The following CHRM3 variants were observed in gnomAD, a reference collection of about 807,000 sequenced individuals.
CHRM3 encodes cholinergic receptor muscarinic 3.
Under a neutral mutation model 41.8 loss-of-function variants are expected in CHRM3, and 11 were observed. That is an observed-to-expected ratio of 0.26 (90% CI 0.17 to 0.44). The LOEUF (loss-of-function observed/expected upper bound fraction) is 0.44. Ranked by LOEUF, CHRM3 falls within the 20% of genes least tolerant of loss-of-function variation. CHRM3 has a pLI of 1.00. For missense variants in CHRM3, 571 were observed against 745.4 expected, an observed-to-expected ratio of 0.77 and a Z score of 2.72; for synonymous variants, 297 against 301.4, an observed-to-expected ratio of 0.99 and a Z score of 0.15.
chr1:239,480,090 T>C (rs1031260385), intron 1 of CHRM3, among the ~76,000 whole-genome samples: 1 of 152,222 alleles, frequency 6.6e-6, no homozygotes, highest in Non-Finnish European at 1.5e-5. Flanking sequence ...CATTCCAAGA[T>C]GGTATGTTAA....
At chr1:239,656,331 T>TAA (rs34207520) in intron 4 of CHRM3, among the ~76,000 whole-genome samples, 7 of 151,042 alleles carry the variant, frequency 4.6e-5, no homozygotes, top group East Asian at 3.9e-4. Flanking sequence ...TATTTTTTTT[T>TAA]AAAAAAAGGG....
intron 2 of CHRM3, among the ~76,000 whole-genome samples, chr1:239,517,633 T>G (rs1669360451): frequency 6.6e-6 from 1 of 152,184 alleles, no homozygotes; most frequent in Admixed American, 6.5e-5. Flanking sequence ...TTTCAGACAT[T>G]CTAGAAGAGT....
chr1:239,699,832 C>G (rs930286190), intron 5 of CHRM3, among the ~76,000 whole-genome samples: 7 of 152,026 alleles, frequency 4.6e-5, no homozygotes, highest in Non-Finnish European at 1.0e-4. Context: ...ATCTCTGAAA[C>G]CTAACAGCAT....
chr1:239,584,707 A>AT (rs997733557), intron 3 of CHRM3, among the ~76,000 whole-genome samples: 3 of 152,012 alleles, frequency 2.0e-5, no homozygotes, highest in African/African-American at 7.3e-5. Flanking sequence ...GATTCAAGGG[A>AT]TTTTCATTAG....
chr1:239,874,929 C>G (rs1676992771), intron 6 of CHRM3, among the ~76,000 whole-genome samples: 1 of 151,934 alleles, frequency 6.6e-6, no homozygotes, highest in African/African-American at 2.4e-5. Context: ...GAACTCTCAG[C>G]CTCAGGTGAT....
At chr1:239,634,339 GAA>G (rs1309232485) in intron 4 of CHRM3, among the ~76,000 whole-genome samples, 2 of 141,882 alleles carry the variant, frequency 1.4e-5, no homozygotes, top group Non-Finnish European at 3.1e-5. Context: ...GAGAGAGAGA[GAA>G]AGGAATAAAG....
chr1:239,576,592 A>ACGCG (rs1553331586), intron 3 of CHRM3, among the ~76,000 whole-genome samples: 6 of 81,158 alleles, frequency 7.4e-5, no homozygotes, highest in Admixed American at 3.1e-4. Context: ...ACACACACAC[A>ACGCG]CGCACACACA....
intron 5 of CHRM3, among the ~76,000 whole-genome samples, chr1:239,788,322 G>A (rs530365141): frequency 6.6e-6 from 1 of 152,134 alleles, no homozygotes; most frequent in Admixed American, 6.5e-5. Context: ...TTAATATTGA[G>A]AAAGCAGACA....
At chr1:239,820,529 A>C (rs1316326408) in intron 5 of CHRM3, among the ~76,000 whole-genome samples, 1 of 152,218 alleles carries the variant, frequency 6.6e-6, no homozygotes, top group Non-Finnish European at 1.5e-5. Context: ...GATTTTAGGC[A>C]AATACGGGAA....
intron 1 of CHRM3, among the ~76,000 whole-genome samples, chr1:239,462,203 T>A (rs1665410238): frequency 6.6e-6 from 1 of 152,198 alleles, no homozygotes; most frequent in Non-Finnish European, 1.5e-5. Flanking sequence ...TTACTAAATT[T>A]GAAAACTGAG....
Position 239,404,410 on chromosome 1 carries a change from A to AAAAG in CHRM3, c.-521+17239_-521+17242dup, listed in dbSNP as rs1170633500. ...AAAGAAAGAAAGAAAGAAAGAAAGA[A>AAAAG]AAAGAAAGAAAGAAAGAAAGAAAGA... is the stretch of plus-strand genomic sequence containing the variant. On this transcript the variant is annotated intron_variant, in intron 1 of 6. Coordinates refer to ENST00000676153, the MANE Select transcript of CHRM3 (RefSeq NM_001375978.1). Among the ~76,000 whole-genome samples, 431 of 51,704 alleles carry AAAAG rather than the reference A, an allele frequency of 8.3e-3. 12 individuals carry two copies. Among genetic ancestry groups the AAAAG allele is most frequent in the African/African-American group, 0.024 (369 of 15,522 alleles). The allele number at this position is 51,704 out of a possible 152,430, so 33.9% of individuals were successfully genotyped here.
chr1:239,401,395 A>G lies in CHRM3; in HGVS notation c.-521+14168A>G, dbSNP rs576714714. ...CTCTAACTATGGAACGTTTGACTTG[A>G]CTTTCCTTAAAGTACACTTTTTCTT... On this transcript the variant is annotated intron_variant, in intron 1 of 6. Transcript: ENST00000676153. Among the ~76,000 whole-genome samples, 22 of 152,178 alleles carry G rather than the reference A, an allele frequency of 1.4e-4. No homozygotes were observed. In the South Asian group the frequency reaches 4.1e-3, roughly 29 times the overall value.
intron 5 of CHRM3, chr1:239,718,959 A>G (rs954963596): frequency 1.3e-5 from 2 of 152,060 alleles, no homozygotes; most frequent in Admixed American, 1.3e-4. Flanking sequence ...CATATTTCTT[A>G]GAAGCTTAGA....
chr1:239,542,717 G>A (rs1658901033), intron 2 of CHRM3, among the ~76,000 whole-genome samples: 1 of 152,126 alleles, frequency 6.6e-6, no homozygotes, highest in African/African-American at 2.4e-5. Context: ...TCACCTCTAA[G>A]ATGCAATGAA....
intron 1 of CHRM3, among the ~76,000 whole-genome samples, chr1:239,458,653 C>T (rs1480519641): frequency 6.6e-6 from 1 of 152,076 alleles, no homozygotes; most frequent in Non-Finnish European, 1.5e-5. Context: ...AGCTTTATAA[C>T]CCAAAGCATT....
At chr1:239,627,791 G>T (rs1259477578) in intron 3 of CHRM3, among the ~76,000 whole-genome samples, 1 of 146,626 alleles carries the variant, frequency 6.8e-6, no homozygotes, top group East Asian at 2.0e-4. Flanking sequence ...TGAAATTCTG[G>T]GTTGAAAATT....
chr1:239,651,064 A>G (rs528374037), intron 4 of CHRM3, among the ~76,000 whole-genome samples: 101 of 152,356 alleles, frequency 6.6e-4, no homozygotes, highest in African/African-American at 2.4e-3. Flanking sequence ...TGCCTGGAAC[A>G]TAGTAGATGT....
At chr1:239,610,230 T>C (rs1666868778) in intron 3 of CHRM3, among the ~76,000 whole-genome samples, 1 of 132,994 alleles carries the variant, frequency 7.5e-6, no homozygotes, top group African/African-American at 2.7e-5. Flanking sequence ...AAACAGGCAA[T>C]CTTTTGTGGT....
At chr1:239,664,229 G>A (rs1673537182) in intron 4 of CHRM3, among the ~76,000 whole-genome samples, 1 of 152,174 alleles carries the variant, frequency 6.6e-6, no homozygotes, top group Non-Finnish European at 1.5e-5. Flanking sequence ...CTTCACGTAA[G>A]TCATCCTGTT....
Sources: gnomAD v4.1 joint callset for allele counts (sites outside exome capture counted in the v4.1 genomes callset) on GRCh38, gnomAD v4.1.1 for gene constraint, MANE v1.5 for transcripts, NCBI Gene and HGNC (gene_info 2026-07-23, HGNC 2026-07-21) for gene names.